VWA3A: variants seen among roughly 807,000 people sequenced by gnomAD.
VWA3A encodes the protein von Willebrand factor A domain-containing protein 3A.
Under a neutral mutation model 160.4 loss-of-function variants are expected in VWA3A, and 134 were observed. That is an observed-to-expected ratio of 0.84 (90% CI 0.73 to 0.96). The LOEUF (loss-of-function observed/expected upper bound fraction) is 0.96. Among genes scored for constraint, VWA3A ranks in the 40% least tolerant of loss-of-function variants. The pLI is 0.00. For synonymous variants in VWA3A, 476 were observed against 543.4 expected (o/e 0.88, Z 1.72); for missense variants, 1,310 against 1,447.9 (o/e 0.90, Z 1.55).
rs2046115675 is a variant in VWA3A, at chr16:22,140,053, C to T, written c.2293-101C>T. Reference sequence around the variant, plus strand: ...GAGGAGTCCCCTCCCTTAGGCTCCTCCCTACAAAAGTTCCTGATTGACAAA... The same window carrying T: ...GAGGAGTCCCCTCCCTTAGGCTCCTTCCTACAAAAGTTCCTGATTGACAAA... On this transcript the variant is annotated intron_variant, in intron 22 of 33. Coordinates refer to ENST00000389398, the MANE Select transcript of VWA3A (RefSeq NM_173615.5). The T allele has an allele frequency of 4.5e-5, 53 of 1,169,982 alleles. No individual in the cohort carries two copies. The South Asian group carries it at 6.3e-4, about 14-fold the overall frequency. 72.5% of individuals were successfully genotyped at this position (1,169,982 alleles called of 1,614,324 possible).
intron 23 of VWA3A, chr16:22,141,106 G>A (rs956478038): frequency 2.3e-6 from 1 of 444,172 alleles, no homozygotes; most frequent in Admixed American, 2.4e-5. Flanking sequence ...GGGGGGTAAG[G>A]ATCATGTGCC....
At chr16:22,113,572 T>G (rs1013882251) in intron 8 of VWA3A, among the ~76,000 whole-genome samples, 26 of 151,148 alleles carry the variant, frequency 1.7e-4, no homozygotes, top group African/African-American at 6.1e-4. Context: ...TTCTATTTAT[T>G]ATTGAAAGAA....
chr16:22,111,639 G>A (rs1009684333), intron 8 of VWA3A, among the ~76,000 whole-genome samples: 3 of 151,904 alleles, frequency 2.0e-5, no homozygotes, highest in Non-Finnish European at 2.9e-5. Context: ...GCACTACCAC[G>A]CCCAGCTAAT....
Position 22,096,963 on chromosome 16 carries a change from A to ATTTTTTTT in VWA3A, c.101+31_101+38dup. ...AACCATTGGTAAGCATAGTTCTCTG[A>ATTTTTTTT]TTTTTTTTTTTTTTTTTTTTGAGGC... On this transcript the variant is annotated intron_variant, in intron 2 of 33. Coordinates refer to ENST00000389398, the MANE Select transcript of VWA3A (RefSeq NM_173615.5). 1.9e-6 allele frequency: 2 copies of ATTTTTTTT among 1,079,058 alleles called. No individual in the cohort carries two copies. Among genetic ancestry groups the ATTTTTTTT allele is most frequent in the Non-Finnish European group, 2.6e-6 (2 of 783,744 alleles). 66.8% of individuals were successfully genotyped at this position (1,079,058 alleles called of 1,614,324 possible). A position where few individuals can be genotyped will look rare whatever the true frequency, so the allele number is the denominator to read the frequency against.
chr16:22,150,965 C>T, intron 30 of VWA3A, 119 bp downstream of exon 30: 1 of 1,246,988 alleles, frequency 8.0e-7, no homozygotes, highest in Middle Eastern at 2.1e-4. Context: ...TTCTCCTGGG[C>T]CCTAATCCTG....
intron 26 of VWA3A, 34 bp downstream of exon 26, chr16:22,144,418 C>A (rs1440609848): frequency 6.2e-7 from 1 of 1,606,996 alleles, no homozygotes. Flanking sequence ...TCTTTTTTTT[C>A]TCCCCCAACT....
chr16:22,116,954 C>T, intron 10 of VWA3A, 87 bp downstream of exon 10: 1 of 1,442,832 alleles, frequency 6.9e-7, no homozygotes, highest in Non-Finnish European at 9.6e-7. Flanking sequence ...TTGGACAGGC[C>T]CCCGAGCTGT....
intron 28 of VWA3A, among the ~76,000 whole-genome samples, chr16:22,149,322 C>T (rs1411117276): frequency 6.6e-6 from 1 of 152,128 alleles, no homozygotes; most frequent in African/African-American, 2.4e-5. Flanking sequence ...TCGCTGCAGC[C>T]TCAACGTCCT....
intron 22 of VWA3A, among the ~76,000 whole-genome samples, chr16:22,139,356 C>A (rs1382849933): frequency 2.0e-5 from 3 of 152,140 alleles, no homozygotes; most frequent in Non-Finnish European, 4.4e-5. Context: ...TTAATGACCG[C>A]CACACTCCAG....
Position 22,096,963 on chromosome 16 carries a change from A to ATTTTT in VWA3A, c.101+34_101+38dup. 65 of 1,078,852 alleles carry ATTTTT rather than the reference A, an allele frequency of 6.0e-5. No individual in the cohort carries two copies. The highest frequency in any genetic ancestry group is 1.3e-4 in the South Asian group (8 of 62,018). 66.8% of individuals were successfully genotyped at this position (1,078,852 alleles called of 1,614,324 possible). ...AACCATTGGTAAGCATAGTTCTCTG[A>ATTTTT]TTTTTTTTTTTTTTTTTTTTGAGGC... On this transcript the variant is annotated intron_variant, in intron 2 of 33. Coordinates refer to ENST00000389398, the MANE Select transcript of VWA3A (RefSeq NM_173615.5).
rs769150355 is a variant in VWA3A at position 22,149,793 on chromosome 16, C to G, written c.2991C>G (p.Asn997Lys). Reference protein sequence around the residue: ...EQLRKCCDSFNLLSFAESFQS... With the variant: ...EQLRKCCDSFKLLSFAESFQS... ...CTCTTTTCCTCCTCCCCAGTTTTAACCTGCTCAGCTTTGCAGAGAGCTTTC... is the reference window on the plus strand; with the variant it reads ...CTCTTTTCCTCCTCCCCAGTTTTAAGCTGCTCAGCTTTGCAGAGAGCTTTC... The change falls in exon 29 of 34, where the codon AAC (asparagine) becomes AAG (lysine). Residue 997 changes from asparagine (N) to lysine (K), a missense_variant. Physicochemically the swap from Asn to Lys is moderately conservative, Grantham distance 94. Coordinates refer to ENST00000389398, the MANE Select transcript of VWA3A (RefSeq NM_173615.5). 4 of 1,597,566 alleles carry G rather than the reference C, an allele frequency of 2.5e-6. No individual in the cohort carries two copies. The highest frequency in any genetic ancestry group is 3.4e-6 in the Non-Finnish European group (4 of 1,168,420).
intron 30 of VWA3A, 75 bp from the exon 31 acceptor site, chr16:22,152,436 C>A: frequency 6.4e-7 from 1 of 1,573,326 alleles, no homozygotes; most frequent in Non-Finnish European, 8.6e-7. Flanking sequence ...CTTAAGTTCC[C>A]CATGGACGTG....
At chr16:22,154,178 C>T (rs575572840) in intron 31 of VWA3A, among the ~76,000 whole-genome samples, 2 of 152,192 alleles carry the variant, frequency 1.3e-5, no homozygotes, top group South Asian at 2.1e-4. Context: ...GTCCTTATTA[C>T]ACAGGAAAAC....
At position 22,097,641 on chromosome 16, in the gene VWA3A, A is replaced by T. The variant is rs1453934545; in HGVS notation, c.171A>T (p.Gln57His). ...AGAAGAATATGAATGGACTTGGGCA[A>T]AATTCGGACAATGGATTATTGGTTA... is the stretch of plus-strand genomic sequence containing the variant. ...LKQKNMNGLG[Q>H]NSDNGLLVTH... The change falls in exon 3 of 34, where the codon CAA (glutamine) becomes CAT (histidine). Residue 57 changes from glutamine (Q) to histidine (H), a missense_variant. Transcript: ENST00000389398. The T allele has an allele frequency of 6.4e-7, 1 of 1,551,858 alleles. No individual in the cohort carries two copies. Among genetic ancestry groups the T allele is most frequent in the Non-Finnish European group, 8.7e-7 (1 of 1,147,010 alleles).
chr16:22,094,073 C>T (rs1390370599), intron 1 of VWA3A, among the ~76,000 whole-genome samples: 1 of 152,138 alleles, frequency 6.6e-6, no homozygotes, highest in Non-Finnish European at 1.5e-5. Flanking sequence ...TGCACCCGGC[C>T]CCGTGCTTTT....
At chr16:22,144,431 G>C in intron 26 of VWA3A, 47 bp downstream of exon 26, 9 of 1,602,868 alleles carry the variant, frequency 5.6e-6, no homozygotes, top group Non-Finnish European at 7.7e-6. Flanking sequence ...CCCCAACTCA[G>C]CTGCAAATGG....
intron 16 of VWA3A, among the ~76,000 whole-genome samples, chr16:22,125,475 G>A (rs1469509772): frequency 3.3e-5 from 5 of 152,176 alleles, no homozygotes; most frequent in African/African-American, 1.2e-4. Context: ...CCAGGCTAGA[G>A]TGCAGTGGCG....
intron 26 of VWA3A, among the ~76,000 whole-genome samples, chr16:22,146,011 G>T (rs1485408535): frequency 6.6e-6 from 1 of 152,056 alleles, no homozygotes; most frequent in Non-Finnish European, 1.5e-5. Flanking sequence ...TGGTAGAGAT[G>T]AGGTCTCCCT....
intron 10 of VWA3A, 42 bp from the exon 11 acceptor site, chr16:22,117,069 G>T: frequency 6.4e-7 from 1 of 1,555,210 alleles, no homozygotes; most frequent in Non-Finnish European, 8.7e-7. Context: ...TGGAGTATTG[G>T]TGTTGCCCTA....
Sources: gnomAD v4.1 joint callset for allele counts (sites outside exome capture counted in the v4.1 genomes callset) on GRCh38, gnomAD v4.1.1 for gene constraint, MANE v1.5 for transcripts, NCBI Gene and HGNC (gene_info 2026-07-23, HGNC 2026-07-21) for gene names.